The following DNAH5 variants were observed in gnomAD, a reference collection of about 807,000 sequenced individuals.
DNAH5 encodes the protein dynein axonemal heavy chain 5.
A neutral mutation model predicts 518.2 loss-of-function variants in DNAH5; 372 were observed. The observed-to-expected ratio is 0.72, with a 90% CI of 0.66 to 0.78. DNAH5 has a LOEUF of 0.78. Among genes scored for constraint, DNAH5 ranks in the 30% least tolerant of loss-of-function variants. The probability of loss-of-function intolerance (pLI) is 0.00; values close to 1 mark genes in which losing one functional copy is unlikely to be tolerated. For missense variants in DNAH5, 5,523 were observed against 5,687.0 expected (o/e 0.97, Z 0.93); for synonymous variants, 2,039 against 2,025.9 (o/e 1.01, Z -0.17).
chr5:13,769,842 A>T (rs1410941597), intron 56 of DNAH5, among the ~76,000 whole-genome samples: 1 of 152,240 alleles, frequency 6.6e-6, no homozygotes, highest in African/African-American at 2.4e-5. Flanking sequence ...AACCTGCTAG[A>T]ACACACGACA....
chr5:13,735,983 G>A, intron 66 of DNAH5, 51 bp from the exon 67 acceptor site: 1 of 1,431,314 alleles, frequency 7.0e-7, no homozygotes, highest in Non-Finnish European at 9.9e-7. Context: ...GAAAATAAAT[G>A]ATCCATGCAA....
chr5:13,931,536 C>T (rs1048886409), intron 1 of DNAH5, among the ~76,000 whole-genome samples: 5 of 152,176 alleles, frequency 3.3e-5, no homozygotes, highest in African/African-American at 9.7e-5. Flanking sequence ...TCTTTACACA[C>T]TTATTTCTAT....
intron 1 of DNAH5, among the ~76,000 whole-genome samples, chr5:13,960,111 CAA>C (rs78100175): frequency 7.2e-6 from 1 of 139,766 alleles, no homozygotes. Flanking sequence ...CTTTTATCTT[CAA>C]AAAAAAAAAA....
rs537308513 is a variant in DNAH5 at position 13,758,164 on chromosome 5, T to C, written c.10419+682A>G. Among the ~76,000 whole-genome samples, 161 of 152,112 alleles carry C rather than the reference T, an allele frequency of 1.1e-3. 1 individual carries two copies. The highest frequency in any genetic ancestry group is 3.8e-3 in the African/African-American group (157 of 41,478). On this transcript the variant is annotated intron_variant, in intron 61 of 78. Transcript: ENST00000265104. ...TAGAAACTCAGGTACTTTTCCTCTG[T>C]GATCTCTTTAGGCATTTGACTTGAA...
chr5:13,840,889 A>G lies in DNAH5; in HGVS notation c.5709+17T>C, dbSNP rs775865216. ...TTTGTTTTTCTCTACATGCCACAGC[A>G]TTTATAAAGAATTTACCAGGTCATC... is the stretch of plus-strand genomic sequence containing the variant. On this transcript the variant is annotated intron_variant, in intron 34 of 78. Coordinates refer to ENST00000265104, the MANE Select transcript of DNAH5 (RefSeq NM_001369.3). The G allele has an allele frequency of 6.2e-7, 1 of 1,606,214 alleles. No individual in the cohort carries two copies. Among genetic ancestry groups the G allele is most frequent in the East Asian group, 2.2e-5 (1 of 44,830 alleles).
chr5:14,005,873 A>G (rs1387208962), intron 1 of DNAH5, among the ~76,000 whole-genome samples: 1 of 152,212 alleles, frequency 6.6e-6, no homozygotes, highest in Admixed American at 6.5e-5. Flanking sequence ...CACACCTGAG[A>G]GCTGGACAGG....
At position 13,864,494 on chromosome 5, in the gene DNAH5, G is replaced by T. The variant is rs779232266; in HGVS notation, c.4499C>A (p.Thr1500Asn). ...ATCCAGACTGTGCCCGGTGAGGGTG[G>T]TTATCCTTTCCCAGTGCCGCTCCAT... ...AMMERHWERI[T>N]TLTGHSLDVG... The change falls in exon 28 of 79, where the codon ACC (threonine) becomes AAC (asparagine). Residue 1500 changes from threonine (T) to asparagine (N), a missense_variant. By Grantham distance (65) the Thr-to-Asn change is moderately conservative. Coordinates refer to ENST00000265104, the MANE Select transcript of DNAH5 (RefSeq NM_001369.3). The T allele has an allele frequency of 4.3e-6, 7 of 1,614,126 alleles. No homozygotes were observed.
rs370292064 is a variant in DNAH5 at position 13,737,418 on chromosome 5, G to T, written c.11289C>A (p.Asn3763Lys). 2 of 1,614,166 alleles carry T rather than the reference G, an allele frequency of 1.2e-6. No individual in the cohort carries two copies. The highest frequency in any genetic ancestry group is 1.7e-5 in the Admixed American group (1 of 60,014). The stretch of plus-strand genomic sequence containing the variant: ...GGGTACTTGTCAGGCGGTAAAGCAA[G>T]TTATCTTCTAGTTCCTTCATCCTTC... The part of the protein sequence containing the change: ...NKRRMKELED[N>K]LLYRLTSTQG... The change falls in exon 66 of 79, where the codon AAC (asparagine) becomes AAA (lysine). Residue 3763 changes from asparagine (N) to lysine (K), a missense_variant. Around this residue, in one of 3 missense-constraint regions of DNAH5, gnomAD observed 5,121 missense variants for 5,223.3 expected, o/e 0.98. Transcript: ENST00000265104.
intron 1 of DNAH5, among the ~76,000 whole-genome samples, chr5:13,964,785 G>C (rs1196005243): frequency 1.3e-5 from 2 of 152,216 alleles, no homozygotes; most frequent in Admixed American, 6.5e-5. Flanking sequence ...GATATATACA[G>C]TATCTGAAGT....
intron 65 of DNAH5, among the ~76,000 whole-genome samples, chr5:13,747,979 C>T (rs1446022620): frequency 6.6e-6 from 1 of 152,098 alleles, no homozygotes; most frequent in Non-Finnish European, 1.5e-5. Flanking sequence ...ATGGTATTGC[C>T]TAGGTTTTCT....
chr5:13,824,772 A>T (rs1762679479), intron 38 of DNAH5, among the ~76,000 whole-genome samples: 2 of 152,260 alleles, frequency 1.3e-5, no homozygotes, highest in South Asian at 4.2e-4. Context: ...GATAAGTAAG[A>T]AGACAGGAGA....
intron 27 of DNAH5, among the ~76,000 whole-genome samples, chr5:13,865,235 T>G (rs1045227372): frequency 6.6e-6 from 1 of 152,046 alleles, no homozygotes; most frequent in Non-Finnish European, 1.5e-5. Flanking sequence ...CCTCGTGATC[T>G]GCCCACCTCA....
chr5:13,788,997 T>C (rs1756523967), intron 50 of DNAH5, 83 bp from the exon 51 acceptor site: 18 of 1,243,218 alleles, frequency 1.4e-5, no homozygotes, highest in Non-Finnish European at 2.3e-6. Context: ...TGTAGAGTAT[T>C]ATCCTTCCTG....
chr5:13,878,280 T>G (rs528868841), intron 21 of DNAH5, among the ~76,000 whole-genome samples: 1 of 152,200 alleles, frequency 6.6e-6, no homozygotes, highest in African/African-American at 2.4e-5. Flanking sequence ...ATTAGGCATA[T>G]GTGAATTTCC....
intron 58 of DNAH5, among the ~76,000 whole-genome samples, chr5:13,767,443 C>G (rs147111499): frequency 6.6e-6 from 1 of 152,122 alleles, no homozygotes; most frequent in South Asian, 2.1e-4. Flanking sequence ...TATATTAATA[C>G]TAGCAGTTAT....
At chr5:13,876,969 T>C in intron 21 of DNAH5, 152 bp from the exon 22 acceptor site, 1 of 793,562 alleles carries the variant, frequency 1.3e-6, no homozygotes, top group Non-Finnish European at 2.0e-6. Context: ...GTTGTCAATG[T>C]CAACTTTTCA....
Position 13,692,085 on chromosome 5 carries a change from G to A in DNAH5, c.13774C>T (p.Arg4592Ter), listed in dbSNP as rs758112779. ...YSCPIYKKPV[R>*]TDLNYIAAVD... ...GCGGCAATGTAGTTCAAGTCCGTTC[G>A]AACTGGCTTCTTATAGATGGGACAG... The change falls in exon 79 of 79, where the codon CGA becomes TGA. Residue 4592 changes from arginine to a stop codon, truncating the protein, a stop_gained. Coordinates refer to ENST00000265104, the MANE Select transcript of DNAH5 (RefSeq NM_001369.3). LOFTEE classifies it high-confidence loss of function. 3.1e-6 allele frequency: 5 copies of A among 1,614,016 alleles called. No individual in the cohort carries two copies. In the Admixed American group the frequency reaches 5.0e-5, roughly 16 times the overall value.
intron 2 of DNAH5, among the ~76,000 whole-genome samples, chr5:13,930,590 C>G (rs1778322839): frequency 6.6e-6 from 1 of 152,056 alleles, no homozygotes; most frequent in African/African-American, 2.4e-5. Context: ...ATATTTTGGC[C>G]TTCCCTAACC....
At chr5:13,890,070 T>C (rs1772981367) in intron 17 of DNAH5, among the ~76,000 whole-genome samples, 1 of 152,184 alleles carries the variant, frequency 6.6e-6, no homozygotes, top group Admixed American at 6.5e-5. Context: ...GGGAAGAAAG[T>C]ATCCCATTTG....
Sources: allele counts gnomAD v4.1 joint callset (sites outside exome capture counted in the v4.1 genomes callset), GRCh38; gene constraint gnomAD v4.1.1; regional missense constraint gnomAD v4.1.1; transcripts MANE v1.5; gene names NCBI Gene and HGNC (gene_info 2026-07-23, HGNC 2026-07-21).